Variants in RRP12 observed in about 807,000 individuals in gnomAD.
RRP12 encodes the protein RRP12-like protein.
In RRP12, 78 loss-of-function variants were observed where a neutral mutation model predicts 157.3. The observed-to-expected ratio is 0.50, with a 90% CI of 0.41 to 0.60. The LOEUF is 0.60. Among genes scored for constraint, RRP12 ranks in the 20% least tolerant of loss-of-function variants. The pLI is 0.00. For missense variants in RRP12, 1,521 were observed against 1,679.9 expected (o/e 0.91, Z 1.65); for synonymous variants, 726 against 670.9 (o/e 1.08, Z -1.27).
At chr10:97,380,129 C>T (rs992666255) in intron 13 of RRP12, among the ~76,000 whole-genome samples, 2 of 152,210 alleles carry the variant, frequency 1.3e-5, no homozygotes, top group Non-Finnish European at 2.9e-5. Flanking sequence ...CACAGCCCTC[C>T]CCCAGCCACA....
chr10:97,401,253 A>T lies in RRP12; in HGVS notation c.-22T>A, dbSNP rs557141106. ...CCATGTTGACTAAGCCGTGGCGAGG[A>T]ATGAGCTTAAATGACCGGCTTCCAG... On this transcript the variant is annotated 5_prime_UTR_variant, in exon 1 of 34. Coordinates refer to ENST00000370992, the MANE Select transcript of RRP12 (RefSeq NM_015179.4). The T allele has an allele frequency of 6.2e-7, 1 of 1,612,822 alleles. No individual in the cohort carries two copies. The highest frequency in any genetic ancestry group is 1.3e-5 in the African/African-American group (1 of 75,020).
intron 4 of RRP12, among the ~76,000 whole-genome samples, chr10:97,392,438 A>G (rs1267212415): frequency 6.6e-6 from 1 of 152,134 alleles, no homozygotes; most frequent in African/African-American, 2.4e-5. Flanking sequence ...CAACCTCCAC[A>G]TTCTGTGTTC....
chr10:97,396,068 C>A (rs1313135263), intron 3 of RRP12, 150 bp downstream of exon 3: 2 of 615,402 alleles, frequency 3.2e-6, no homozygotes, highest in African/African-American at 1.9e-5. Flanking sequence ...ATACCACCAG[C>A]CTTCCTAAGC....
rs201596788 is a variant in RRP12, at chr10:97,400,324, T to C, written c.350A>G (p.Asn117Ser). The C allele has an allele frequency of 3.6e-5, 58 of 1,613,888 alleles. No individual in the cohort carries two copies. In the South Asian group the frequency reaches 4.4e-4, roughly 12 times the overall value. The change falls in exon 2 of 34, where the codon AAC becomes AGC. Residue 117 changes from asparagine to serine, a missense_variant. By Grantham distance (46) the Asn-to-Ser change is conservative. Transcript: ENST00000370992. Reference protein sequence around the residue: ...FSKVQRFWESNSAAHKEICAV... With the variant: ...FSKVQRFWESSSAAHKEICAV... ...CCCTACCTCCTTGTGGGCAGCCGAG[T>C]TGGACTCCCAGAAGCGCTGTACTTT...
At position 97,366,764 on chromosome 10, in the gene RRP12, G is replaced by GCTC. The variant is rs28362479; in HGVS notation, c.3190_3192dup (p.Glu1064dup). 2.3e-5 allele frequency: 37 copies of GCTC among 1,603,294 alleles called. No homozygotes were observed. Among genetic ancestry groups the GCTC allele is most frequent in the Non-Finnish European group, 2.0e-5 (23 of 1,172,458 alleles). ...CACCTGTCACCTTTGCCCTGGGCGG[G>GCTC]CTCCTCCTCCTCCTCCTCCTCTTCT... is the stretch of plus-strand genomic sequence containing the variant. On this transcript the variant is annotated inframe_insertion, in exon 27 of 34. Coordinates refer to ENST00000370992, the MANE Select transcript of RRP12 (RefSeq NM_015179.4).
At chr10:97,370,373 G>T in intron 23 of RRP12, 82 bp downstream of exon 23, 1 of 1,353,254 alleles carries the variant, frequency 7.4e-7, no homozygotes, top group Non-Finnish European at 1.0e-6. Context: ...AGGGCACAGA[G>T]CTCTCCCCAC....
chr10:97,374,859 A>G (rs909532826), intron 15 of RRP12, among the ~76,000 whole-genome samples: 3 of 151,940 alleles, frequency 2.0e-5, no homozygotes, highest in African/African-American at 7.3e-5. Context: ...AGCTGGTAAC[A>G]TTTACTGAGC....
chr10:97,368,415 T>C (rs1844049413), intron 25 of RRP12, among the ~76,000 whole-genome samples: 1 of 151,992 alleles, frequency 6.6e-6, no homozygotes, highest in Admixed American at 6.6e-5. Flanking sequence ...TGGAGTGTAG[T>C]GGTGCAATCT....
intron 15 of RRP12, among the ~76,000 whole-genome samples, chr10:97,374,444 G>A (rs1287664195): frequency 6.6e-6 from 1 of 150,870 alleles, no homozygotes; most frequent in Admixed American, 6.6e-5. Flanking sequence ...TTACAGGTGT[G>A]CAACACTGCA....
intron 25 of RRP12, 199 bp from the exon 26 acceptor site, chr10:97,367,331 C>A: frequency 1.7e-6 from 1 of 599,914 alleles, no homozygotes; most frequent in Admixed American, 2.9e-5. Context: ...CACCCTCCTT[C>A]AGGACACAGG....
intron 2 of RRP12, 107 bp downstream of exon 2, chr10:97,400,198 C>A: frequency 1.2e-6 from 1 of 823,760 alleles, no homozygotes. Context: ...ACGCATCATC[C>A]AGAAATACCA....
chr10:97,381,908 A>T, intron 10 of RRP12, 82 bp from the exon 11 acceptor site: 1 of 920,800 alleles, frequency 1.1e-6, no homozygotes, highest in Non-Finnish European at 1.7e-6. Flanking sequence ...GAGACGGCCC[A>T]GCTCTGAAAA....
intron 30 of RRP12, among the ~76,000 whole-genome samples, chr10:97,362,105 CAAAAA>C (rs11293071): frequency 5.3e-5 from 5 of 95,100 alleles, no homozygotes; most frequent in South Asian, 3.3e-4. Flanking sequence ...GACTTCATCT[CAAAAA>C]AAAAAAAAAA....
intron 8 of RRP12, among the ~76,000 whole-genome samples, chr10:97,386,853 G>C (rs139588625): frequency 2.3e-3 from 354 of 152,230 alleles, no homozygotes; most frequent in African/African-American, 8.2e-3. Flanking sequence ...AGTCAGGTGT[G>C]GTGGCGGGCG....
In RRP12 at chr10:97,385,260, A is replaced by G. The variant is rs1844595967; in HGVS notation, c.1117-3T>C. 1.2e-6 allele frequency: 2 copies of G among 1,612,118 alleles called. No homozygotes were observed. The highest frequency in any genetic ancestry group is 1.7e-6 in the Non-Finnish European group (2 of 1,178,272). ...CTGGGAACATAGTCGTACAGGGCCT[A>G]AAAGTGGGAATAAGCAGGTGACTGA... On this transcript the variant is annotated splice_region_variant and splice_polypyrimidine_tract_variant and intron_variant, in intron 9 of 33. Coordinates refer to ENST00000370992, the MANE Select transcript of RRP12 (RefSeq NM_015179.4).
At chr10:97,369,199 G>T (rs1844069822) in intron 25 of RRP12, among the ~76,000 whole-genome samples, 1 of 152,234 alleles carries the variant, frequency 6.6e-6, no homozygotes, top group Non-Finnish European at 1.5e-5. Flanking sequence ...AAGAGCCCCT[G>T]TTGCTTTCCA....
At chr10:97,392,331 G>A (rs547616548) in intron 4 of RRP12, among the ~76,000 whole-genome samples, 1 of 151,736 alleles carries the variant, frequency 6.6e-6, no homozygotes, top group Admixed American at 6.6e-5. Flanking sequence ...AAGAATCAAG[G>A]TTTTTTATTT....
intron 3 of RRP12, among the ~76,000 whole-genome samples, chr10:97,395,599 C>T (rs61861871): frequency 0.015 from 2,306 of 151,542 alleles, 31 homozygotes; most frequent in Middle Eastern, 0.035. Context: ...GCCTATAATC[C>T]CAGCACTTTG....
Position 97,400,428 on chromosome 10 carries a change from C to G in RRP12, c.246G>C (p.Glu82Asp). 2 of 1,614,144 alleles carry G rather than the reference C, an allele frequency of 1.2e-6. No homozygotes were observed. The highest frequency in any genetic ancestry group is 1.7e-6 in the Non-Finnish European group (2 of 1,180,032). Residue 82 changes from glutamate to aspartate, a missense_variant, in exon 2 of 34, where the codon GAG becomes GAC. Coordinates refer to ENST00000370992, the MANE Select transcript of RRP12 (RefSeq NM_015179.4). ...ACTTCTCGGTGAGAACCAGCTCCGC[C>G]TCTTCTTCCATGGGCGTCTCCGGGG... ...SEAPETPMEE[E>D]AELVLTEKSS...
Sources: allele counts gnomAD v4.1 joint callset (sites outside exome capture counted in the v4.1 genomes callset), GRCh38; gene constraint gnomAD v4.1.1; transcripts MANE v1.5; gene names NCBI Gene and HGNC (gene_info 2026-07-23, HGNC 2026-07-21).